Variants in RNF141 observed in about 807,000 individuals in gnomAD.
RNF141 encodes the protein ring finger protein 141.
RNF141 carries 18 observed loss-of-function variants against 27.4 expected under a neutral mutation model. The ratio of observed to expected loss-of-function variants is 0.66; its 90% confidence interval spans 0.45 to 0.97. The LOEUF (loss-of-function observed/expected upper bound fraction) is 0.97. Among genes scored for constraint, RNF141 ranks in the 50% least tolerant of loss-of-function variants. The pLI is 0.00. For missense variants in RNF141, 230 were observed against 279.4 expected, an observed-to-expected ratio of 0.82 and a Z score of 1.26; for synonymous variants, 97 against 96.6, an observed-to-expected ratio of 1.00 and a Z score of -0.02.
At chr11:10,533,239 G>A (rs892619057) in intron 2 of RNF141, among the ~76,000 whole-genome samples, 1 of 152,148 alleles carries the variant, frequency 6.6e-6, no homozygotes, top group Admixed American at 6.5e-5. Flanking sequence ...TAAAAGCACA[G>A]TGGTCTGGGG....
At position 10,514,947 on chromosome 11, in the gene RNF141, GC is replaced by G; in HGVS notation, c.661del (p.Ala221LeufsTer61). The G allele has an allele frequency of 1.9e-6, 3 of 1,613,588 alleles. No homozygotes were observed. The highest frequency in any genetic ancestry group is 2.5e-6 in the Non-Finnish European group (3 of 1,179,806). ...DDMANYILNM[A>X]DEAGQPHRP ...CCTGTGGGGCTGGCCTGCCTCATCA[GC>G]CATGTTAAGAATATAGTTAGCCATA... is the stretch of plus-strand genomic sequence containing the variant. On this transcript the variant is annotated frameshift_variant, in exon 6 of 6. Transcript: ENST00000265981. LOFTEE classifies it high-confidence loss of function.
intron 1 of RNF141, among the ~76,000 whole-genome samples, chr11:10,535,462 C>T (rs1406836396): frequency 2.7e-5 from 2 of 74,512 alleles, no homozygotes; most frequent in East Asian, 2.5e-4. Flanking sequence ...AAGATCCAGG[C>T]CAAAAAAAAA....
chr11:10,526,678 G>A (rs1269174082), intron 3 of RNF141, among the ~76,000 whole-genome samples: 3 of 151,930 alleles, frequency 2.0e-5, no homozygotes. Context: ...AGCTACTTGG[G>A]AAGCTGAGGC....
chr11:10,540,313 G>A (rs976482336), intron 1 of RNF141, among the ~76,000 whole-genome samples: 3 of 152,098 alleles, frequency 2.0e-5, no homozygotes, highest in Non-Finnish European at 4.4e-5. Context: ...AGCTGGCACC[G>A]CTAAATAGGA....
intron 1 of RNF141, among the ~76,000 whole-genome samples, chr11:10,538,371 C>T (rs1850056262): frequency 6.6e-6 from 1 of 152,158 alleles, no homozygotes; most frequent in Admixed American, 6.5e-5. Context: ...ACATCTATCA[C>T]TATATGGGTG....
chr11:10,525,424 ATTTTTCCC>A lies in RNF141; in HGVS notation c.253-59_253-52del. The A allele has an allele frequency of 7.7e-6, 11 of 1,420,100 alleles. No homozygotes were observed. In the Admixed American group the frequency reaches 1.8e-4, roughly 23 times the overall value. The allele number at this position is 1,420,100 out of a possible 1,614,324, so 88.0% of individuals were successfully genotyped here. A position where few individuals can be genotyped will look rare whatever the true frequency, so the allele number is the denominator to read the frequency against. ...GAAAAGTTGATCATTTCTCTGACCA[ATTTTTCCC>A]AAAAAGGGGGAACAAATATTTAGTC... On this transcript the variant is annotated intron_variant, in intron 3 of 5. Transcript: ENST00000265981.
chr11:10,535,906 A>G (rs1290407192), intron 1 of RNF141, among the ~76,000 whole-genome samples: 1 of 152,192 alleles, frequency 6.6e-6, no homozygotes, highest in African/African-American at 2.4e-5. Flanking sequence ...GCAGACTGGT[A>G]TTAGGGAGCC....
At chr11:10,519,554 A>G (rs1342216064) in intron 4 of RNF141, among the ~76,000 whole-genome samples, 1 of 150,956 alleles carries the variant, frequency 6.6e-6, no homozygotes, top group African/African-American at 2.4e-5. Context: ...CTGTGTAAAT[A>G]TCATAGTGTA....
At chr11:10,525,074 CAACT>C (rs1849920088) in intron 4 of RNF141, 114 bp downstream of exon 4, 4 of 608,760 alleles carry the variant, frequency 6.6e-6, no homozygotes, top group Non-Finnish European at 7.2e-6. Flanking sequence ...GATACAATAC[CAACT>C]GAGAAAAAAA....
At chr11:10,515,140 T>G in intron 5 of RNF141, 74 bp from the exon 6 acceptor site, 1 of 1,443,406 alleles carries the variant, frequency 6.9e-7, no homozygotes, top group Non-Finnish European at 9.4e-7. Context: ...AAGTAATACA[T>G]GCACATGGCT....
chr11:10,516,660 A>C (rs796387534), intron 5 of RNF141: 1 of 152,366 alleles, frequency 6.6e-6, no homozygotes, highest in East Asian at 1.9e-4. Context: ...CAATCAATCA[A>C]AGGGCTTTGA....
intron 3 of RNF141, among the ~76,000 whole-genome samples, chr11:10,526,585 C>T (rs1353623360): frequency 3.9e-5 from 6 of 152,000 alleles, no homozygotes; most frequent in African/African-American, 1.4e-4. Flanking sequence ...AGATTGAGAC[C>T]ATCCTGGCTA....
chr11:10,537,223 A>C (rs890448893), intron 1 of RNF141, among the ~76,000 whole-genome samples: 1 of 152,180 alleles, frequency 6.6e-6, no homozygotes, highest in East Asian at 1.9e-4. Context: ...GAAGTATGGA[A>C]GTGTTTAGGT....
At position 10,530,633 on chromosome 11, in the gene RNF141, T is replaced by C. The variant is rs758916922; in HGVS notation, c.252+10A>G. On this transcript the variant is annotated intron_variant, in intron 3 of 5. Transcript: ENST00000265981. ...TTAAGCTCAGAGGTAGAAGTCTCCA[T>C]CAGTCTCACCTTGGTACAGACCACC... 6.6e-6 allele frequency: 10 copies of C among 1,517,518 alleles called. No individual in the cohort carries two copies. In the South Asian group the frequency reaches 8.2e-5, roughly 12 times the overall value. The allele number at this position is 1,517,518 out of a possible 1,614,324, so 94.0% of individuals were successfully genotyped here. A position where few individuals can be genotyped will look rare whatever the true frequency, so the allele number is the denominator to read the frequency against.
intron 5 of RNF141, chr11:10,517,764 G>A (rs1362138844): frequency 1.3e-5 from 2 of 152,080 alleles, no homozygotes; most frequent in African/African-American, 4.8e-5. Flanking sequence ...CAGAAAAAAA[G>A]TCTTTGAAAA....
chr11:10,527,014 T>A (rs1849942173), intron 3 of RNF141, among the ~76,000 whole-genome samples: 1 of 152,218 alleles, frequency 6.6e-6, no homozygotes, highest in Non-Finnish European at 1.5e-5. Flanking sequence ...AAACGGGTAG[T>A]CCTTTGGAAC....
chr11:10,524,542 A>G (rs1241480706), intron 4 of RNF141, among the ~76,000 whole-genome samples: 1 of 152,252 alleles, frequency 6.6e-6, no homozygotes, highest in East Asian at 1.9e-4. Flanking sequence ...TCTTTTTCCA[A>G]TGAGATATTT....
intron 5 of RNF141, chr11:10,518,807 A>T: frequency 2.5e-6 from 1 of 398,304 alleles, no homozygotes; most frequent in South Asian, 5.5e-5. Flanking sequence ...ATTTTCATAC[A>T]GCAAAAGAAA....
intron 3 of RNF141, among the ~76,000 whole-genome samples, chr11:10,527,102 A>G (rs1398905667): frequency 3.3e-5 from 5 of 152,374 alleles, no homozygotes; most frequent in African/African-American, 1.2e-4. Flanking sequence ...CACTGTAACT[A>G]TTCTCATCAT....
Sources: allele counts gnomAD v4.1 joint callset (sites outside exome capture counted in the v4.1 genomes callset), GRCh38; gene constraint gnomAD v4.1.1; transcripts MANE v1.5; gene names NCBI Gene and HGNC (gene_info 2026-07-23, HGNC 2026-07-21).